Variants in LPP observed in about 807,000 individuals in gnomAD.
LPP encodes the protein lipoma-preferred partner.
LPP carries 38 observed loss-of-function variants against 60.4 expected under a neutral mutation model. That is an observed-to-expected ratio of 0.63 (90% CI 0.49 to 0.83). LPP has a LOEUF of 0.83. LPP is among the 40% of genes least tolerant of loss of function. LPP has a pLI of 0.00. For synonymous variants in LPP, 328 were observed against 290.8 expected, an observed-to-expected ratio of 1.13 and a Z score of -1.30; for missense variants, 902 against 783.6, an observed-to-expected ratio of 1.15 and a Z score of -1.80.
intron 2 of LPP, among the ~76,000 whole-genome samples, chr3:188,259,330 C>T (rs1448309129): frequency 6.6e-6 from 1 of 152,210 alleles, no homozygotes; most frequent in Admixed American, 6.5e-5. Context: ...CCACACCTGA[C>T]ACCAGTCTCT....
intron 9 of LPP, among the ~76,000 whole-genome samples, chr3:188,774,036 G>C (rs1297731315): frequency 6.6e-6 from 1 of 152,132 alleles, no homozygotes; most frequent in Non-Finnish European, 1.5e-5. Flanking sequence ...TCAAAGCTTA[G>C]AAAACCAGGG....
At position 188,886,870 on chromosome 3, in the gene LPP, C is replaced by G; in HGVS notation, c.*12391C>G. 4.4e-6 allele frequency: 1 copy of G among 229,510 alleles called. No individual in the cohort carries two copies. The highest frequency in any genetic ancestry group is 8.6e-6 in the Non-Finnish European group (1 of 115,934). 14.2% of individuals were successfully genotyped at this position (229,510 alleles called of 1,614,324 possible). ...TCCTAAACCTGACCCATTTTTGTAA[C>G]AGCTAAAAAGGAGAAGAAAAAGCTA... On this transcript the variant is annotated 3_prime_UTR_variant, in exon 12 of 12. Coordinates refer to ENST00000617246, the MANE Select transcript of LPP (RefSeq NM_001375462.1).
intron 4 of LPP, among the ~76,000 whole-genome samples, chr3:188,423,057 G>A (rs900350624): frequency 5.9e-5 from 9 of 151,552 alleles, no homozygotes; most frequent in Admixed American, 1.3e-4. Flanking sequence ...CCATCAACCC[G>A]TCATCTACAT....
In LPP at chr3:188,609,719, C is replaced by G. The variant is rs1181625319; in HGVS notation, c.988C>G (p.Pro330Ala). Residue 330 changes from proline to alanine, a missense_variant, in exon 7 of 12, where the codon CCA (proline) becomes GCA (alanine). Transcript: ENST00000617246. The surrounding 1 kb of genome is among the most constrained non-coding windows in gnomAD (Gnocchi z 6.9). ...QGHPNTWKRE[P>A]GYTPPGAGNQ... ...TCACCCAAATACCTGGAAACGGGAA[C>G]CAGGGTACACTCCTCCTGGAGCAGG... The G allele has an allele frequency of 6.2e-7, 1 of 1,614,088 alleles. No individual in the cohort carries two copies. Among genetic ancestry groups the G allele is most frequent in the Non-Finnish European group, 8.5e-7 (1 of 1,180,010 alleles).
intron 4 of LPP, among the ~76,000 whole-genome samples, chr3:188,433,651 G>A (rs1432013707): frequency 7.6e-5 from 11 of 145,122 alleles, no homozygotes; most frequent in African/African-American, 2.8e-4. Flanking sequence ...AGAGAAGGAG[G>A]GAGAGAGAGG....
rs1217024140 is a variant in LPP, at chr3:188,217,693, G to T, written c.-189-7712G>T. On this transcript the variant is annotated intron_variant, in intron 1 of 11. Coordinates refer to ENST00000617246, the MANE Select transcript of LPP (RefSeq NM_001375462.1). This position sits in a 1 kb window ranked among gnomAD's most constrained non-coding sequence, Gnocchi z 4.0. ...TTCAGAGAAATGCTGAGCTAAATGG[G>T]CAGGAATCTGGGATACTCAGAGGGA... Among the ~76,000 whole-genome samples, 1 of 152,130 alleles carries T rather than the reference G, an allele frequency of 6.6e-6. No homozygotes were observed. Among genetic ancestry groups the T allele is most frequent in the Non-Finnish European group, 1.5e-5 (1 of 68,016 alleles).
At chr3:188,357,143 T>C (rs920634339) in intron 3 of LPP, among the ~76,000 whole-genome samples, 1 of 152,138 alleles carries the variant, frequency 6.6e-6, no homozygotes, top group Admixed American at 6.5e-5. Flanking sequence ...AGGTAGAGAC[T>C]ATAAGAAGAA....
intron 7 of LPP, among the ~76,000 whole-genome samples, chr3:188,661,167 T>C (rs562042854): frequency 2.0e-5 from 3 of 152,340 alleles, no homozygotes; most frequent in East Asian, 3.9e-4. Context: ...CATGGCTTGG[T>C]AACTCATTTC....
At chr3:188,553,343 G>T (rs1489591303) in intron 6 of LPP, among the ~76,000 whole-genome samples, 1 of 152,006 alleles carries the variant, frequency 6.6e-6, no homozygotes, top group Non-Finnish European at 1.5e-5. Context: ...AAAAAGTTCA[G>T]GTAGACCTAC....
intron 5 of LPP, among the ~76,000 whole-genome samples, chr3:188,517,976 T>C (rs1303374966): frequency 6.6e-6 from 1 of 152,086 alleles, no homozygotes; most frequent in East Asian, 1.9e-4. Flanking sequence ...CTCCTCGCTC[T>C]CTCTTCCGCT....
At chr3:188,380,093 G>A (rs1376287124) in intron 3 of LPP, among the ~76,000 whole-genome samples, 1 of 152,172 alleles carries the variant, frequency 6.6e-6, no homozygotes, top group Non-Finnish European at 1.5e-5. Flanking sequence ...CCCCCAGGTT[G>A]GTAGTGGAGA....
intron 2 of LPP, among the ~76,000 whole-genome samples, chr3:188,339,024 C>A (rs1463585616): frequency 6.6e-6 from 1 of 151,936 alleles, no homozygotes; most frequent in Non-Finnish European, 1.5e-5. Context: ...ATTATCTTAC[C>A]TTCATTTACT....
intron 2 of LPP, among the ~76,000 whole-genome samples, chr3:188,226,901 G>T (rs956141630): frequency 6.6e-6 from 1 of 152,250 alleles, no homozygotes; most frequent in Non-Finnish European, 1.5e-5. Flanking sequence ...TACATAAAAG[G>T]CTGGAAACCA....
chr3:188,626,045 T>G (rs894462793), intron 7 of LPP, among the ~76,000 whole-genome samples: 1 of 152,162 alleles, frequency 6.6e-6, no homozygotes, highest in African/African-American at 2.4e-5. Context: ...TGTGTTAAGA[T>G]ATATTCACAT....
chr3:188,872,519 C>T, intron 10 of LPP, 124 bp from the exon 11 acceptor site: 1 of 1,010,836 alleles, frequency 9.9e-7, no homozygotes, highest in Non-Finnish European at 1.5e-6. Context: ...GAGTCTAACT[C>T]CCTCACCTTA....
At chr3:188,640,375 G>A (rs1195372351) in intron 7 of LPP, among the ~76,000 whole-genome samples, 1 of 116,572 alleles carries the variant, frequency 8.6e-6, no homozygotes, top group East Asian at 2.9e-4. Flanking sequence ...TTGTGGGGTG[G>A]GGGGAGGGGG....
chr3:188,594,393 T>A (rs542432522), intron 6 of LPP, among the ~76,000 whole-genome samples: 3 of 152,250 alleles, frequency 2.0e-5, no homozygotes, highest in African/African-American at 4.8e-5. Flanking sequence ...AGAACTCAGC[T>A]CTCTGTTTAA....
At chr3:188,398,321 A>G (rs1221861749) in intron 3 of LPP, among the ~76,000 whole-genome samples, 1 of 152,216 alleles carries the variant, frequency 6.6e-6, no homozygotes, top group Admixed American at 6.5e-5. Context: ...GTTAAGAACG[A>G]AAGTCATAGA....
At chr3:188,266,770 C>A (rs1735728451) in intron 2 of LPP, among the ~76,000 whole-genome samples, 1 of 152,076 alleles carries the variant, frequency 6.6e-6, no homozygotes, top group South Asian at 2.1e-4. Flanking sequence ...CCAAGCATTC[C>A]AGTTGCATAG....
Sources: gnomAD v4.1 joint callset for allele counts (sites outside exome capture counted in the v4.1 genomes callset) on GRCh38, gnomAD v4.1.1 for gene constraint, Gnocchi (gnomAD v3.1) non-coding constraint, MANE v1.5 for transcripts, NCBI Gene and HGNC (gene_info 2026-07-23, HGNC 2026-07-21) for gene names.